The following HACD3 variants were observed in gnomAD, a reference collection of about 807,000 sequenced individuals.
HACD3 encodes 3-hydroxyacyl-CoA dehydratase 3.
Under a neutral mutation model 55.2 loss-of-function variants are expected in HACD3, and 30 were observed. The ratio of observed to expected loss-of-function variants is 0.54; its 90% CI spans 0.41 to 0.74. The LOEUF (loss-of-function observed/expected upper bound fraction) is 0.74. Among genes scored for constraint, HACD3 ranks in the 30% least tolerant of loss-of-function variants. HACD3 has a pLI of 0.00. For missense variants in HACD3, 363 were observed against 440.1 expected (o/e 0.82, Z 1.57); for synonymous variants, 141 against 151.7 (o/e 0.93, Z 0.52).
chr15:65,575,087 T>C (rs189803341), intron 10 of HACD3, among the ~76,000 whole-genome samples: 1 of 152,226 alleles, frequency 6.6e-6, no homozygotes, highest in Admixed American at 6.5e-5. Context: ...GTTGCTCTTT[T>C]CTTATTCTTT....
In HACD3 at chr15:65,572,280, G is replaced by A. The variant is rs768554778; in HGVS notation, c.926G>A (p.Arg309Gln). 3.7e-6 allele frequency: 6 copies of A among 1,613,414 alleles called. No individual in the cohort carries two copies. The Admixed American group carries it at 6.7e-5, about 18-fold the overall frequency. ...ATTCCAATATTCAATGAGACCGGAC[G>A]ATTCAGTTTCACATTGCCATATCCA... ...QSIPIFNETG[R>Q]FSFTLPYPVK... Residue 309 changes from arginine (R) to glutamine (Q), a missense_variant, in exon 10 of 11, where the codon CGA becomes CAA. Physicochemically the swap from Arg to Gln is conservative, Grantham distance 43. Coordinates refer to ENST00000261875, the MANE Select transcript of HACD3 (RefSeq NM_016395.4).
chr15:65,533,295 G>T (rs997885240), intron 1 of HACD3, among the ~76,000 whole-genome samples: 1 of 152,176 alleles, frequency 6.6e-6, no homozygotes, highest in Non-Finnish European at 1.5e-5. Context: ...GGGGAGGGGA[G>T]GGTTAAGGAG....
chr15:65,551,938 G>T, intron 2 of HACD3: 1 of 437,768 alleles, frequency 2.3e-6, no homozygotes, highest in Non-Finnish European at 4.0e-6. Flanking sequence ...AGTAGATACA[G>T]TGAAGGAAAA....
chr15:65,530,913 C>G, intron 1 of HACD3, 195 bp downstream of exon 1: 2 of 557,336 alleles, frequency 3.6e-6, no homozygotes. Context: ...GCACAACCCC[C>G]CGAGGGCTGC....
intron 1 of HACD3, among the ~76,000 whole-genome samples, chr15:65,533,502 G>A (rs1315800438): frequency 6.6e-6 from 1 of 152,184 alleles, no homozygotes; most frequent in Non-Finnish European, 1.5e-5. Flanking sequence ...GTATTTGTCT[G>A]TGCTTATAAC....
chr15:65,569,121 G>A (rs1196490953), intron 7 of HACD3, among the ~76,000 whole-genome samples: 4 of 151,894 alleles, frequency 2.6e-5, no homozygotes, highest in African/African-American at 7.3e-5. Flanking sequence ...GGTGGCGGGC[G>A]CCTGTAGTCC....
rs895261193 is a variant in HACD3 at position 65,568,947 on chromosome 15, A to G, written c.661-1144A>G. Among the ~76,000 whole-genome samples, 5 of 152,104 alleles carry G rather than the reference A, an allele frequency of 3.3e-5. No homozygotes were observed. In the South Asian group the frequency reaches 1.0e-3, roughly 32 times the overall value. Reference sequence around the variant, plus strand: ...AAATGAGTGGACTATAGCCACATGCATCAACATAGATGAGTCTTGGCCGGG... The same window carrying G: ...AAATGAGTGGACTATAGCCACATGCGTCAACATAGATGAGTCTTGGCCGGG... On this transcript the variant is annotated intron_variant, in intron 7 of 10. Coordinates refer to ENST00000261875, the MANE Select transcript of HACD3 (RefSeq NM_016395.4).
intron 1 of HACD3, among the ~76,000 whole-genome samples, chr15:65,542,888 A>G (rs755391615): frequency 6.6e-6 from 1 of 152,126 alleles, no homozygotes; most frequent in Non-Finnish European, 1.5e-5. Context: ...ATCCTGGCCA[A>G]CATGGGGAAA....
intron 2 of HACD3, among the ~76,000 whole-genome samples, 155 bp from the exon 3 acceptor site, chr15:65,554,732 G>GCA (rs2072170909): frequency 6.6e-6 from 1 of 152,042 alleles, no homozygotes; most frequent in African/African-American, 2.4e-5. Flanking sequence ...CCGAGATCAT[G>GCA]CCACTGCACT....
intron 1 of HACD3, among the ~76,000 whole-genome samples, chr15:65,535,551 A>G (rs562865867): frequency 6.6e-6 from 1 of 152,346 alleles, no homozygotes; most frequent in South Asian, 2.1e-4. Context: ...GGTTGTGGCA[A>G]CAAAGTCTGT....
intron 1 of HACD3, among the ~76,000 whole-genome samples, chr15:65,545,062 C>T (rs1436045723): frequency 6.6e-6 from 1 of 151,610 alleles, no homozygotes; most frequent in Non-Finnish European, 1.5e-5. Flanking sequence ...ATTTTGTGAC[C>T]TCCAGTGTAA....
In HACD3 at chr15:65,530,630, C is replaced by T; in HGVS notation, c.-2C>T. The stretch of plus-strand genomic sequence containing the variant: ...CCTCCCCGCGCCCTGGGCAGTGTGG[C>T]CATGGAGAATCAGGTGTTGACGCCG... On this transcript the variant is annotated 5_prime_UTR_variant, in exon 1 of 11. Transcript: ENST00000261875. The T allele has an allele frequency of 6.3e-7, 1 of 1,575,056 alleles. No individual in the cohort carries two copies. Among genetic ancestry groups the T allele is most frequent in the Non-Finnish European group, 8.6e-7 (1 of 1,161,410 alleles).
Position 65,530,479 on chromosome 15 carries a change from G to A in HACD3, c.-153G>A. On this transcript the variant is annotated 5_prime_UTR_variant, in exon 1 of 11. Coordinates refer to ENST00000261875, the MANE Select transcript of HACD3 (RefSeq NM_016395.4). ...TCCCGGCGCGTCACTGCGCAGGCGCGGCCCGCGAGCGTGGGGTATCTCGAG... is the reference window on the plus strand; with the variant it reads ...TCCCGGCGCGTCACTGCGCAGGCGCAGCCCGCGAGCGTGGGGTATCTCGAG... 2 of 572,000 alleles carry A rather than the reference G, an allele frequency of 3.5e-6. No individual in the cohort carries two copies. The highest frequency in any genetic ancestry group is 2.7e-6 in the Non-Finnish European group (1 of 363,704). 35.4% of individuals were successfully genotyped at this position (572,000 alleles called of 1,614,324 possible). A position where few individuals can be genotyped will look rare whatever the true frequency, so the allele number is the denominator to read the frequency against.
intron 5 of HACD3, among the ~76,000 whole-genome samples, chr15:65,559,709 C>A (rs556882688): frequency 6.6e-6 from 1 of 151,736 alleles, no homozygotes; most frequent in African/African-American, 2.4e-5. Flanking sequence ...ATAGCGACTA[C>A]CTTAGGGGAA....
chr15:65,554,774 CA>C (rs373836136), intron 2 of HACD3, 112 bp from the exon 3 acceptor site: 34,602 of 542,336 alleles, frequency 0.064, no homozygotes, highest in South Asian at 0.098. Context: ...GACTCTGTCT[CA>C]AAAAAAAAAA....
chr15:65,559,369 G>A (rs1026123202), intron 5 of HACD3, among the ~76,000 whole-genome samples: 6 of 151,896 alleles, frequency 4.0e-5, no homozygotes, highest in African/African-American at 1.2e-4. Flanking sequence ...ATACTCAAAA[G>A]GGCTTACATT....
At chr15:65,530,822 T>C in intron 1 of HACD3, 104 bp downstream of exon 1, 1 of 1,145,992 alleles carries the variant, frequency 8.7e-7, no homozygotes, top group South Asian at 1.6e-5. Context: ...GAGCCTGCAG[T>C]GCGCCAACAA....
At chr15:65,540,054 T>G (rs2072005175) in intron 1 of HACD3, among the ~76,000 whole-genome samples, 1 of 152,230 alleles carries the variant, frequency 6.6e-6, no homozygotes, top group Admixed American at 6.5e-5. Context: ...TGTTTCTGTT[T>G]TATTTCTTTT....
chr15:65,531,625 G>A (rs753275754), intron 1 of HACD3, among the ~76,000 whole-genome samples: 6 of 151,954 alleles, frequency 3.9e-5, no homozygotes, highest in Non-Finnish European at 8.8e-5. Context: ...GAGTGCAATG[G>A]CGCGATCTCG....
Sources: gnomAD v4.1 joint callset for allele counts (sites outside exome capture counted in the v4.1 genomes callset) on GRCh38, gnomAD v4.1.1 for gene constraint, MANE v1.5 for transcripts, NCBI Gene and HGNC (gene_info 2026-07-23, HGNC 2026-07-21) for gene names.